Variants in AMZ1 observed in about 807,000 individuals in gnomAD.
The protein encoded by AMZ1 is archaelysin family metallopeptidase 1.
In AMZ1, 39 loss-of-function variants were observed where a neutral mutation model predicts 29.9. That is an observed-to-expected ratio of 1.30 (90% CI 1.01 to 1.70). AMZ1 has a LOEUF of 1.70. Among genes scored for constraint, AMZ1 ranks in the 40% most tolerant of loss-of-function variants. AMZ1 has a pLI of 0.00. For missense variants in AMZ1, 1,041 were observed against 680.6 expected (o/e 1.53, Z -5.89); for synonymous variants, 458 against 304.0 (o/e 1.51, Z -5.27).
At chr7:2,708,462 C>T (rs911833749) in intron 3 of AMZ1, 126 bp from the exon 4 acceptor site, 109 of 1,436,848 alleles carry the variant, frequency 7.6e-5, no homozygotes, top group Non-Finnish European at 8.8e-5. Flanking sequence ...CGCTGGTGGC[C>T]CACACCTGAC....
intron 3 of AMZ1, among the ~76,000 whole-genome samples, chr7:2,705,744 C>G (rs1227641229): frequency 6.6e-6 from 1 of 152,206 alleles, no homozygotes; most frequent in Non-Finnish European, 1.5e-5. Context: ...GGCCTGCTTT[C>G]TGGGTACAGC....
At position 2,731,692 on chromosome 7, in the gene AMZ1, A is replaced by G; in HGVS notation, n.550+21876A>G. ...CTTCTTAATAACGAAGTCATGCTCC[A>G]CAATTCCCTTGGTGGCTTTCCTAGC... On this transcript the variant is annotated intron_variant and non_coding_transcript_variant, in intron 4 of 4. Transcript: ENST00000489665. This position sits in a 1 kb window ranked among gnomAD's most constrained non-coding sequence, Gnocchi z 6.0. 1 of 1,598,418 alleles carries G rather than the reference A, an allele frequency of 6.3e-7. No individual in the cohort carries two copies. The highest frequency in any genetic ancestry group is 8.5e-7 in the Non-Finnish European group (1 of 1,170,456).
chr7:2,712,098 C>T (rs148407174), intron 6 of AMZ1, among the ~76,000 whole-genome samples: 72 of 152,164 alleles, frequency 4.7e-4, no homozygotes, highest in Middle Eastern at 3.4e-3. Flanking sequence ...AAGGAGCTTG[C>T]GAAGTTCCTG....
chr7:2,706,112 G>C (rs1403320700), intron 3 of AMZ1, among the ~76,000 whole-genome samples: 1 of 152,246 alleles, frequency 6.6e-6, no homozygotes. Flanking sequence ...CACTCGGGAA[G>C]GTTCAAAAGC....
intron 6 of AMZ1, among the ~76,000 whole-genome samples, chr7:2,710,447 C>A (rs1788699642): frequency 6.6e-6 from 1 of 152,242 alleles, no homozygotes; most frequent in African/African-American, 2.4e-5. Flanking sequence ...CGTACAGGCA[C>A]CAGAGCAGTC....
chr7:2,726,505 C>G (rs146403521), intron 4 of AMZ1, among the ~76,000 whole-genome samples: 1 of 152,278 alleles, frequency 6.6e-6, no homozygotes, highest in Non-Finnish European at 1.5e-5. Flanking sequence ...GACTGTGTCC[C>G]CAGGGCAGAG....
upstream of AMZ1, among the ~76,000 whole-genome samples, chr7:2,759,625 G>C (rs923756859): frequency 3.9e-5 from 6 of 152,234 alleles, no homozygotes; most frequent in Non-Finnish European, 7.3e-5. Context: ...TTTTTCATCT[G>C]AGTGGCAGGT....
chr7:2,712,809 G>A lies in AMZ1; in HGVS notation c.1428G>A (p.Arg476=), dbSNP rs1788884416. ...GGGACAAGTTCTCCTCCCTGAGGAGGAAGCTGAGTGCCCGAAAACTCGCCA... is the reference window on the plus strand; with the variant it reads ...GGGACAAGTTCTCCTCCCTGAGGAGAAAGCTGAGTGCCCGAAAACTCGCCA... ...VLGDKFSSLR[R]KLSARKLARA... Residue 476 remains arginine, a synonymous_variant, in exon 7 of 7, where the codon AGG becomes AGA. Transcript: ENST00000683327. 1 of 1,540,630 alleles carries A rather than the reference G, an allele frequency of 6.5e-7. No individual in the cohort carries two copies. The highest frequency in any genetic ancestry group is 8.8e-7 in the Non-Finnish European group (1 of 1,142,216).
intron 1 of AMZ1, among the ~76,000 whole-genome samples, chr7:2,696,705 G>C (rs1562361477): frequency 6.6e-6 from 1 of 151,768 alleles, no homozygotes; most frequent in South Asian, 2.1e-4. Flanking sequence ...GGCCAACATG[G>C]TGAAACCCTG....
chr7:2,696,410 C>G (rs1286213328), intron 1 of AMZ1, among the ~76,000 whole-genome samples: 1 of 151,166 alleles, frequency 6.6e-6, no homozygotes, highest in South Asian at 2.1e-4. Flanking sequence ...GCGCCCGCCA[C>G]CACGCCTGGC....
rs1010204731 is a variant in AMZ1 at position 2,716,276 on chromosome 7, CTCAT to C, written c.*3401_*3404del. Reference sequence around the variant, plus strand: ...CAGCCCCGCAGTCCTCTTCCGAAATCTCATTCTTTTCCCTCTCTTCCTCCCCAAA... The same window carrying C: ...CAGCCCCGCAGTCCTCTTCCGAAATCTCTTTTCCCTCTCTTCCTCCCCAAA... On this transcript the variant is annotated 3_prime_UTR_variant, in exon 7 of 7. Transcript: ENST00000683327. The C allele has an allele frequency of 1.3e-5, 2 of 152,180 alleles. No homozygotes were observed. The highest frequency in any genetic ancestry group is 2.4e-5 in the African/African-American group (1 of 41,406). 9.4% of individuals were successfully genotyped at this position (152,180 alleles called of 1,614,324 possible).
rs1255529079 is a variant in AMZ1 at position 2,700,686 on chromosome 7, A to AC, written c.237dup (p.Phe80LeufsTer72). 1.2e-6 allele frequency: 2 copies of AC among 1,612,706 alleles called. No individual in the cohort carries two copies. The highest frequency in any genetic ancestry group is 2.7e-5 in the African/African-American group (2 of 74,858). The stretch of plus-strand genomic sequence containing the variant: ...ACCCGAGGCTCCCGAGGACTTCCAG[A>AC]CCTTCCACGCCTCCCTGCAGCACCG... On this transcript the variant is annotated frameshift_variant, in exon 2 of 7. Transcript: ENST00000683327. LOFTEE classifies it high-confidence loss of function.
intron 4 of AMZ1, among the ~76,000 whole-genome samples, chr7:2,757,153 T>TTTTTTTTTTTTA: frequency 8.3e-6 from 1 of 120,112 alleles, no homozygotes; most frequent in African/African-American, 3.1e-5. Flanking sequence ...TTTTTTTTTT[T>TTTTTTTTTTTTA]GAGACGGAGT....
At chr7:2,686,751 G>C (rs1055321619), upstream of AMZ1, among the ~76,000 whole-genome samples, 3 of 151,212 alleles carry the variant, frequency 2.0e-5, no homozygotes, top group Admixed American at 2.0e-4. Context: ...GTCTTGCTTT[G>C]TCACCCAGGC....
chr7:2,688,672 T>G (rs2115039433), intron 1 of AMZ1, among the ~76,000 whole-genome samples: 1 of 152,226 alleles, frequency 6.6e-6, no homozygotes, highest in Middle Eastern at 3.4e-3. Flanking sequence ...AGAAGGCGTT[T>G]CCGGGCTGGG....
intron 4 of AMZ1, among the ~76,000 whole-genome samples, chr7:2,745,561 T>A (rs980222584): frequency 2.6e-5 from 4 of 152,212 alleles, no homozygotes; most frequent in Admixed American, 2.0e-4. Flanking sequence ...GCCACTGCAA[T>A]AACATACCAA....
rs137965504 is a variant in AMZ1, at chr7:2,741,678, G to A, written n.551-23034G>A. On this transcript the variant is annotated intron_variant and non_coding_transcript_variant, in intron 4 of 4. Coordinates refer to the AMZ1 transcript ENST00000489665. ...TCTTCTCTCATTTGCTTTATCCTTC[G>A]CTCGCTCTCTTTCAATACACAGACT... Among the ~76,000 whole-genome samples, 285 of 151,928 alleles carry A rather than the reference G, an allele frequency of 1.9e-3. 1 individual carries two copies. Among genetic ancestry groups the A allele is most frequent in the Non-Finnish European group, 3.6e-3 (242 of 67,962 alleles).
At chr7:2,709,876 G>T in intron 6 of AMZ1, 60 bp downstream of exon 6, 2 of 1,585,530 alleles carry the variant, frequency 1.3e-6, no homozygotes, top group Non-Finnish European at 1.7e-6. Flanking sequence ...GCCCGCGAGC[G>T]CCGCCTGGAG....
chr7:2,731,390 G>T lies in AMZ1; in HGVS notation n.550+21574G>T. ...GGGTCGCCCCTGAAGTCCGGGAAGTGCTTCTTGATGCTCACGGTCTTCACC... is the reference window on the plus strand; with the variant it reads ...GGGTCGCCCCTGAAGTCCGGGAAGTTCTTCTTGATGCTCACGGTCTTCACC... On this transcript the variant is annotated intron_variant and non_coding_transcript_variant, in intron 4 of 4. Coordinates refer to the AMZ1 transcript ENST00000489665. The surrounding 1 kb of genome is among the most constrained non-coding windows in gnomAD (Gnocchi z 6.0). The T allele has an allele frequency of 6.2e-7, 1 of 1,613,392 alleles. No homozygotes were observed. The highest frequency in any genetic ancestry group is 8.5e-7 in the Non-Finnish European group (1 of 1,179,452).
Sources: allele counts gnomAD v4.1 joint callset (sites outside exome capture counted in the v4.1 genomes callset), GRCh38; gene constraint gnomAD v4.1.1; non-coding constraint Gnocchi (gnomAD v3.1); transcripts MANE v1.5; gene names NCBI Gene and HGNC (gene_info 2026-07-23, HGNC 2026-07-21).